Variants in GPC6 observed in about 807,000 individuals in gnomAD.
The protein encoded by GPC6 is glypican-6.
In GPC6, 14 loss-of-function variants were observed where a neutral mutation model predicts 55.2. The ratio of observed to expected loss-of-function variants is 0.25; its 90% CI spans 0.17 to 0.40. The LOEUF (loss-of-function observed/expected upper bound fraction) is 0.40. GPC6 is among the 10% of genes least tolerant of loss of function. The probability of loss-of-function intolerance (pLI) is 1.00; values close to 1 mark genes in which losing one functional copy is unlikely to be tolerated. For synonymous variants in GPC6, 278 were observed against 259.6 expected, an observed-to-expected ratio of 1.07 and a Z score of -0.68; for missense variants, 641 against 708.5, an observed-to-expected ratio of 0.90 and a Z score of 1.08.
At chr13:94,152,826 T>A (rs1232197956) in intron 4 of GPC6, among the ~76,000 whole-genome samples, 1 of 152,160 alleles carries the variant, frequency 6.6e-6, no homozygotes, top group Non-Finnish European at 1.5e-5. Flanking sequence ...GGGAGCTTTT[T>A]AACTCTAATG....
chr13:94,165,271 TAC>T lies in GPC6; in HGVS notation c.878-121074_878-121073del, dbSNP rs1250793561. Among the ~76,000 whole-genome samples the T allele has an allele frequency of 6.6e-3, 952 of 144,166 alleles. 6 individuals carry two copies. Among genetic ancestry groups the T allele is most frequent in the African/African-American group, 0.024 (899 of 37,500 alleles). The allele number at this position is 144,166 out of a possible 152,430, so 94.6% of individuals were successfully genotyped here. A position where few individuals can be genotyped will look rare whatever the true frequency, so the allele number is the denominator to read the frequency against. On this transcript the variant is annotated intron_variant, in intron 4 of 8. Transcript: ENST00000377047. ...ATACATATATGTATACATATATATATACACATATATATATATATATACATAAT... is the reference window on the plus strand; with the variant it reads ...ATACATATATGTATACATATATATATACATATATATATATATATACATAAT...
chr13:93,615,029 C>T (rs879399929), intron 2 of GPC6, among the ~76,000 whole-genome samples: 3 of 152,048 alleles, frequency 2.0e-5, no homozygotes, highest in Non-Finnish European at 4.4e-5. Flanking sequence ...CACACATTTC[C>T]AAGTGCAGAC....
chr13:93,569,297 G>A (rs781311613), intron 2 of GPC6, among the ~76,000 whole-genome samples: 60 of 152,100 alleles, frequency 3.9e-4, no homozygotes, highest in Non-Finnish European at 7.5e-4. Context: ...TGTCTGATTC[G>A]TAAGTCATTT....
chr13:93,435,361 C>G (rs1356370048), intron 1 of GPC6, among the ~76,000 whole-genome samples: 1 of 152,032 alleles, frequency 6.6e-6, no homozygotes, highest in Non-Finnish European at 1.5e-5. Context: ...AGAGATCTTC[C>G]CACCTTAGCC....
intron 1 of GPC6, among the ~76,000 whole-genome samples, chr13:93,278,033 T>C (rs1400595010): frequency 6.6e-6 from 1 of 152,194 alleles, no homozygotes; most frequent in Non-Finnish European, 1.5e-5. Context: ...ATATTGATAC[T>C]GTAATAATAT....
chr13:93,358,482 A>G (rs1423995667), intron 1 of GPC6, among the ~76,000 whole-genome samples: 2 of 152,182 alleles, frequency 1.3e-5, no homozygotes, highest in Non-Finnish European at 2.9e-5. Context: ...GGACAATGAG[A>G]CACAATGAAA....
At chr13:94,248,609 T>C (rs188113744) in intron 4 of GPC6, among the ~76,000 whole-genome samples, 13 of 152,090 alleles carry the variant, frequency 8.5e-5, no homozygotes, top group African/African-American at 2.7e-4. Context: ...GACCTTCATA[T>C]AGGACCCTCT....
At chr13:93,578,668 G>A (rs1304177215) in intron 2 of GPC6, among the ~76,000 whole-genome samples, 1 of 147,630 alleles carries the variant, frequency 6.8e-6, no homozygotes, top group Non-Finnish European at 1.5e-5. Flanking sequence ...CAATTTTTAA[G>A]TCTCAGTTTC....
chr13:94,221,126 A>G (rs1402395961), intron 4 of GPC6, among the ~76,000 whole-genome samples: 1 of 152,126 alleles, frequency 6.6e-6, no homozygotes, highest in Non-Finnish European at 1.5e-5. Context: ...GGTGACTACC[A>G]TTTCTATAGG....
chr13:93,596,598 AATAAATAAATAAAT>A (rs1261391014), intron 2 of GPC6, among the ~76,000 whole-genome samples: 51 of 87,324 alleles, frequency 5.8e-4, no homozygotes, highest in African/African-American at 3.2e-3. Context: ...GAAATAAATA[AATAAATAAATAAAT>A]ATATATATAT....
At chr13:94,141,252 A>T (rs902189258) in intron 4 of GPC6, among the ~76,000 whole-genome samples, 7 of 152,210 alleles carry the variant, frequency 4.6e-5, no homozygotes, top group African/African-American at 1.7e-4. Flanking sequence ...AGGTGGATTC[A>T]GAGATTCTTT....
At chr13:94,336,804 T>A (rs1470946396) in intron 6 of GPC6, among the ~76,000 whole-genome samples, 1 of 152,140 alleles carries the variant, frequency 6.6e-6, no homozygotes, top group Admixed American at 6.5e-5. Flanking sequence ...AAAAAAATCA[T>A]TTGCGAAGCA....
At chr13:93,339,996 C>T (rs1449545673) in intron 1 of GPC6, among the ~76,000 whole-genome samples, 2 of 148,824 alleles carry the variant, frequency 1.3e-5, no homozygotes, top group African/African-American at 4.9e-5. Flanking sequence ...AATAATAATC[C>T]ATTCAAAAAC....
chr13:94,252,700 A>C (rs1891392768), intron 4 of GPC6, among the ~76,000 whole-genome samples: 1 of 152,114 alleles, frequency 6.6e-6, no homozygotes, highest in South Asian at 2.1e-4. Context: ...TGAATGATGG[A>C]ATTTCAAGAA....
chr13:93,771,711 T>C (rs148593045), intron 2 of GPC6, among the ~76,000 whole-genome samples: 4 of 139,256 alleles, frequency 2.9e-5, no homozygotes, highest in Middle Eastern at 4.0e-3. Context: ...ACCCTAAAAC[T>C]TAAAGTATAA....
chr13:94,271,117 A>G lies in GPC6; in HGVS notation c.878-15232A>G, dbSNP rs144985833. Among the ~76,000 whole-genome samples the G allele has an allele frequency of 0.019, 2,890 of 150,818 alleles. 141 individuals carry two copies. In the East Asian group the frequency reaches 0.21, roughly 11 times the overall value. On this transcript the variant is annotated intron_variant, in intron 4 of 8. Transcript: ENST00000377047. The stretch of plus-strand genomic sequence containing the variant: ...GCCATTCTCCTGCCTCAGCCTCCCG[A>G]GTAGCTGGGACTACAGGCTCCCGCC...
intron 1 of GPC6, among the ~76,000 whole-genome samples, chr13:93,246,474 TTGAAG>T (rs1876604668): frequency 6.6e-6 from 1 of 152,092 alleles, no homozygotes; most frequent in Non-Finnish European, 1.5e-5. Context: ...AGAAAACACC[TTGAAG>T]TGTTCTAAAA....
Position 94,311,451 on chromosome 13 carries a change from G to A in GPC6, c.1152+5328G>A, listed in dbSNP as rs114775206. On this transcript the variant is annotated intron_variant, in intron 6 of 8. Coordinates refer to ENST00000377047, the MANE Select transcript of GPC6 (RefSeq NM_005708.5). ...CCCAAAGTGCTGGGATTACAGGCGA[G>A]AGCCACTGTGTCCAGCCCTGATAAC... Among the ~76,000 whole-genome samples, 371 of 152,268 alleles carry A rather than the reference G, an allele frequency of 2.4e-3. 2 individuals carry two copies. The highest frequency in any genetic ancestry group is 7.9e-3 in the African/African-American group (330 of 41,544).
At position 94,045,997 on chromosome 13, in the gene GPC6, G is replaced by A. The variant is rs183222103; in HGVS notation, c.877+18103G>A. On this transcript the variant is annotated intron_variant, in intron 4 of 8. Transcript: ENST00000377047. ...GGAAACTGAGTCTCAGAGAGTTCGA[G>A]TAAGTGGCAGAGCCAAGAAACAATG... Among the ~76,000 whole-genome samples, 3 of 152,102 alleles carry A rather than the reference G, an allele frequency of 2.0e-5. No homozygotes were observed. In the East Asian group the frequency reaches 5.8e-4, roughly 30 times the overall value.
Sources: allele counts gnomAD v4.1 joint callset (sites outside exome capture counted in the v4.1 genomes callset), GRCh38; gene constraint gnomAD v4.1.1; transcripts MANE v1.5; gene names NCBI Gene and HGNC (gene_info 2026-07-23, HGNC 2026-07-21).